Variants in PAX7 observed in about 807,000 individuals in gnomAD.
PAX7 encodes paired box 7, also known as paired box protein Pax-7.
PAX7 carries 18 observed loss-of-function variants against 50.7 expected under a neutral mutation model. That is an observed-to-expected ratio of 0.36 (90% CI 0.25 to 0.53). The LOEUF is 0.53. Among genes scored for constraint, PAX7 ranks in the 20% least tolerant of loss-of-function variants. The pLI, the probability that PAX7 is intolerant of heterozygous loss-of-function variation, is 0.93. For missense variants in PAX7, 644 were observed against 702.9 expected, an observed-to-expected ratio of 0.92 and a Z score of 0.95; for synonymous variants, 310 against 290.4, an observed-to-expected ratio of 1.07 and a Z score of -0.69.
chr1:18,695,540 G>T lies in PAX7; in HGVS notation c.786+3587G>T, dbSNP rs538495233. 3.3e-5 allele frequency among the ~76,000 whole-genome samples: 5 copies of T among 152,312 alleles called. 1 individual carries two copies. In the East Asian group the frequency reaches 7.7e-4, roughly 23 times the overall value. On this transcript the variant is annotated intron_variant, in intron 5 of 8. Transcript: ENST00000420770. Reference sequence around the variant, plus strand: ...TGGCTCCCTCAAGCTCTGCCTTCCTGCAGGGGCCAGGAGCCTCTGCTTGAA... The same window carrying T: ...TGGCTCCCTCAAGCTCTGCCTTCCTTCAGGGGCCAGGAGCCTCTGCTTGAA...
At chr1:18,638,866 T>A (rs10907326) in intron 4 of PAX7, among the ~76,000 whole-genome samples, 1 of 151,968 alleles carries the variant, frequency 6.6e-6, no homozygotes, top group Non-Finnish European at 1.5e-5. Context: ...CAGTTTCATG[T>A]CCAAGTTAAA....
intron 4 of PAX7, among the ~76,000 whole-genome samples, chr1:18,671,804 TAA>T (rs112404710): frequency 7.5e-4 from 102 of 135,426 alleles, no homozygotes; most frequent in African/African-American, 2.2e-3. Context: ...CCTAACTCTA[TAA>T]AAAAAAAAAA....
chr1:18,703,380 G>T, intron 7 of PAX7, 84 bp downstream of exon 7: 1 of 1,243,950 alleles, frequency 8.0e-7, no homozygotes, highest in South Asian at 1.2e-5. Flanking sequence ...GAAGCCTTGC[G>T]CTCTTTCCTG....
At chr1:18,720,628 C>T (rs761514923) in intron 7 of PAX7, among the ~76,000 whole-genome samples, 12 of 150,722 alleles carry the variant, frequency 8.0e-5, no homozygotes, top group African/African-American at 1.5e-4. Context: ...TGGGCGCAGA[C>T]GGACCCATGG....
intron 1 of PAX7, among the ~76,000 whole-genome samples, chr1:18,633,402 T>C (rs1442059832): frequency 6.6e-6 from 1 of 152,110 alleles, no homozygotes; most frequent in Non-Finnish European, 1.5e-5. Context: ...CCAGGCGTTC[T>C]CCCCTCCCCA....
chr1:18,711,924 C>T (rs2089356592), intron 7 of PAX7, among the ~76,000 whole-genome samples: 1 of 152,156 alleles, frequency 6.6e-6, no homozygotes. Flanking sequence ...AAGAGCCCAG[C>T]TCCCAGAGAC....
intron 6 of PAX7, among the ~76,000 whole-genome samples, chr1:18,702,045 C>T (rs1161840819): frequency 6.6e-6 from 1 of 152,022 alleles, no homozygotes; most frequent in African/African-American, 2.4e-5. Flanking sequence ...TGATATTGGC[C>T]TCATGGGCTG....
intron 4 of PAX7, among the ~76,000 whole-genome samples, chr1:18,690,013 C>T (rs2089043612): frequency 6.6e-6 from 1 of 152,194 alleles, no homozygotes; most frequent in Admixed American, 6.5e-5. Flanking sequence ...GAGTGAACCT[C>T]ACGTTACCTT....
At chr1:18,694,103 C>A (rs530903744) in intron 5 of PAX7, among the ~76,000 whole-genome samples, 1 of 152,194 alleles carries the variant, frequency 6.6e-6, no homozygotes, top group Non-Finnish European at 1.5e-5. Flanking sequence ...CAGGGCAGGG[C>A]TGGATCTCCC....
chr1:18,658,239 G>A (rs1332248305), intron 4 of PAX7, among the ~76,000 whole-genome samples: 1 of 104,306 alleles, frequency 9.6e-6, no homozygotes, highest in African/African-American at 3.8e-5. Context: ...GCCCCTCCTC[G>A]CTCCTGCCCT....
At chr1:18,641,169 A>G (rs79096129) in intron 4 of PAX7, among the ~76,000 whole-genome samples, 2,815 of 152,386 alleles carry the variant, frequency 0.018, 78 homozygotes, top group African/African-American at 0.059. Context: ...GAGTGTGACG[A>G]GCAAGGAGAG....
intron 7 of PAX7, among the ~76,000 whole-genome samples, chr1:18,727,351 CT>C (rs2089585948): frequency 4.2e-5 from 1 of 23,818 alleles, no homozygotes; most frequent in Non-Finnish European, 9.0e-5. Flanking sequence ...CTCTCTCATC[CT>C]CTCTCTCTCT....
In PAX7 at chr1:18,631,154, G is replaced by C. The variant is rs1432576714; in HGVS notation, c.-450G>C. On this transcript the variant is annotated 5_prime_UTR_variant, in exon 1 of 9. Coordinates refer to ENST00000420770, the MANE Select transcript of PAX7 (RefSeq NM_001135254.2). ...CTCCGGGCTCGGAAACTTTGGCCCC[G>C]AGCGCCAGAGCGCCAGAGCGCGAGA... 3 of 234,876 alleles carry C rather than the reference G, an allele frequency of 1.3e-5. No homozygotes were observed. The highest frequency in any genetic ancestry group is 4.4e-5 in the African/African-American group (2 of 45,400). The allele number at this position is 234,876 out of a possible 1,614,324, so 14.5% of individuals were successfully genotyped here.
At chr1:18,724,321 AG>A (rs1459594354) in intron 7 of PAX7, among the ~76,000 whole-genome samples, 1 of 152,256 alleles carries the variant, frequency 6.6e-6, no homozygotes, top group Non-Finnish European at 1.5e-5. Flanking sequence ...AGCAGGCTGC[AG>A]AGGCAGCTGG....
intron 4 of PAX7, among the ~76,000 whole-genome samples, chr1:18,683,736 A>G (rs2088932592): frequency 6.6e-6 from 1 of 152,148 alleles, no homozygotes; most frequent in South Asian, 2.1e-4. Flanking sequence ...GCTACTCGGG[A>G]GGCTAAGGCA....
chr1:18,672,390 GA>G lies in PAX7; in HGVS notation c.587-19361del, dbSNP rs1413901865. Among the ~76,000 whole-genome samples the G allele has an allele frequency of 6.6e-5, 10 of 151,964 alleles. No individual in the cohort carries two copies. The East Asian group carries it at 1.4e-3, about 21-fold the overall frequency. ...TAAAATATCAACTTTTTTTTGTTTA[GA>G]AACATGTAACAGGAAATAAATGTCC... is the stretch of plus-strand genomic sequence containing the variant. On this transcript the variant is annotated intron_variant, in intron 4 of 8. Coordinates refer to ENST00000420770, the MANE Select transcript of PAX7 (RefSeq NM_001135254.2).
chr1:18,639,988 G>A (rs929984097), intron 4 of PAX7, among the ~76,000 whole-genome samples: 1 of 151,702 alleles, frequency 6.6e-6, no homozygotes. Context: ...TCCAGGGGAC[G>A]GGGCGGGGGG....
At chr1:18,729,111 C>A (rs1434023835) in intron 7 of PAX7, among the ~76,000 whole-genome samples, 1 of 152,234 alleles carries the variant, frequency 6.6e-6, no homozygotes, top group Non-Finnish European at 1.5e-5. Flanking sequence ...GGGGACAGTT[C>A]TTGGTCCATA....
chr1:18,721,498 A>C (rs2089493628), intron 7 of PAX7, among the ~76,000 whole-genome samples: 1 of 152,182 alleles, frequency 6.6e-6, no homozygotes, highest in Non-Finnish European at 1.5e-5. Context: ...CTCTCAGATA[A>C]GCCACATGGC....
Sources: allele counts gnomAD v4.1 joint callset (sites outside exome capture counted in the v4.1 genomes callset), GRCh38; gene constraint gnomAD v4.1.1; transcripts MANE v1.5; gene names NCBI Gene and HGNC (gene_info 2026-07-23, HGNC 2026-07-21).